Variants in STPG2 observed in about 807,000 individuals in gnomAD.
The protein encoded by STPG2 is sperm tail PG-rich repeat containing 2, also known as sperm-tail PG-rich repeat-containing protein 2.
STPG2 carries 56 observed loss-of-function variants against 54.2 expected under a neutral mutation model. That is an observed-to-expected ratio of 1.03 (90% CI 0.83 to 1.29). The LOEUF is 1.29. Among genes scored for constraint, STPG2 ranks in the 50% most tolerant of loss-of-function variants. The probability of loss-of-function intolerance (pLI) is 0.00; values close to 1 mark genes in which losing one functional copy is unlikely to be tolerated. For synonymous variants in STPG2, 200 were observed against 181.8 expected, an observed-to-expected ratio of 1.10 and a Z score of -0.81; for missense variants, 596 against 544.9, an observed-to-expected ratio of 1.09 and a Z score of -0.93.
chr4:97,996,038 T>A (rs574365532), intron 5 of STPG2, among the ~76,000 whole-genome samples: 62 of 152,332 alleles, frequency 4.1e-4, no homozygotes, highest in African/African-American at 1.5e-3. Flanking sequence ...TTCAGTACTA[T>A]TCCTATTAAA....
At chr4:97,642,398 C>A (rs1349826810) in intron 10 of STPG2, among the ~76,000 whole-genome samples, 2 of 151,044 alleles carry the variant, frequency 1.3e-5, no homozygotes, top group African/African-American at 2.4e-5. Context: ...TTAGGAAGTA[C>A]TATTGATAGC....
At chr4:98,059,713 C>T (rs1737586098) in intron 5 of STPG2, among the ~76,000 whole-genome samples, 1 of 151,174 alleles carries the variant, frequency 6.6e-6, no homozygotes, top group Non-Finnish European at 1.5e-5. Context: ...GGCTAATCTA[C>T]CATGATCAAA....
intron 7 of STPG2, among the ~76,000 whole-genome samples, chr4:97,963,532 G>A (rs1031617346): frequency 6.6e-6 from 1 of 152,090 alleles, no homozygotes; most frequent in East Asian, 1.9e-4. Flanking sequence ...GCCCATGCCT[G>A]TGGTCCCAGC....
intron 5 of STPG2, among the ~76,000 whole-genome samples, chr4:98,073,816 T>A (rs1738078220): frequency 6.6e-6 from 1 of 152,176 alleles, no homozygotes; most frequent in African/African-American, 2.4e-5. Flanking sequence ...ATTATTGCCT[T>A]GTTATAGGCA....
chr4:97,657,503 T>C (rs1560706197), intron 10 of STPG2, among the ~76,000 whole-genome samples: 1 of 152,196 alleles, frequency 6.6e-6, no homozygotes, highest in African/African-American at 2.4e-5. Flanking sequence ...TTAAAATATT[T>C]AGAAAGAAGG....
chr4:97,625,549 G>A (rs956420749), intron 10 of STPG2, among the ~76,000 whole-genome samples: 10 of 152,170 alleles, frequency 6.6e-5, no homozygotes, highest in African/African-American at 1.7e-4. Context: ...TCCTGACCTC[G>A]GGATCCGCCT....
At chr4:97,783,241 C>T (rs1300807803) in intron 9 of STPG2, among the ~76,000 whole-genome samples, 2 of 151,008 alleles carry the variant, frequency 1.3e-5, no homozygotes, top group Non-Finnish European at 3.0e-5. Flanking sequence ...CAAGAAAAAA[C>T]AACCGCATCA....
At chr4:97,517,381 G>T (rs1400198964) in intron 4 of STPG2, among the ~76,000 whole-genome samples, 2 of 152,090 alleles carry the variant, frequency 1.3e-5, no homozygotes, top group African/African-American at 2.4e-5. Flanking sequence ...TCTGGACATT[G>T]ACATTAATTC....
At chr4:97,614,494 A>G (rs2148917871) in intron 10 of STPG2, among the ~76,000 whole-genome samples, 1 of 152,200 alleles carries the variant, frequency 6.6e-6, no homozygotes, top group South Asian at 2.1e-4. Flanking sequence ...CTTTCTCGAA[A>G]CACTCTCATA....
At chr4:97,923,293 T>TCCCCCCC (rs1159207413) in intron 8 of STPG2, among the ~76,000 whole-genome samples, 7 of 141,076 alleles carry the variant, frequency 5.0e-5, no homozygotes, top group African/African-American at 1.3e-4. Context: ...GCGCAGCGCT[T>TCCCCCCC]CCCCTCCCAC....
At chr4:98,115,974 TTA>T (rs1491309960) in intron 3 of STPG2, among the ~76,000 whole-genome samples, 49 of 127,812 alleles carry the variant, frequency 3.8e-4, no homozygotes, top group African/African-American at 9.1e-4. Context: ...AACTACGTTT[TTA>T]TATGTTTTTA....
intron 5 of STPG2, among the ~76,000 whole-genome samples, chr4:98,007,302 T>G (rs754596955): frequency 6.6e-5 from 10 of 152,222 alleles, no homozygotes; most frequent in Non-Finnish European, 1.5e-4. Flanking sequence ...CTCACCCGCC[T>G]GGTACACCAC....
At chr4:97,799,360 T>C (rs926513014) in intron 9 of STPG2, among the ~76,000 whole-genome samples, 1 of 152,218 alleles carries the variant, frequency 6.6e-6, no homozygotes, top group African/African-American at 2.4e-5. Flanking sequence ...CTTCAGGAGC[T>C]CTTGTAGGAC....
At chr4:97,604,626 G>C (rs968434101) in intron 10 of STPG2, among the ~76,000 whole-genome samples, 1 of 151,650 alleles carries the variant, frequency 6.6e-6, no homozygotes, top group Non-Finnish European at 1.5e-5. Flanking sequence ...GTTCTCTCTA[G>C]TGTAAAAGCT....
At chr4:97,538,766 G>GA (rs1486248222) in intron 4 of STPG2, among the ~76,000 whole-genome samples, 4 of 152,108 alleles carry the variant, frequency 2.6e-5, no homozygotes, top group East Asian at 1.9e-4. Flanking sequence ...TCAAATGAAG[G>GA]AAAAAATGTT....
intron 4 of STPG2, among the ~76,000 whole-genome samples, chr4:97,514,998 A>C (rs1412846964): frequency 1.3e-5 from 2 of 152,150 alleles, no homozygotes; most frequent in Non-Finnish European, 2.9e-5. Context: ...AAATCAAGCT[A>C]AATTCAAAAT....
At chr4:98,011,357 T>C (rs753744759) in intron 5 of STPG2, among the ~76,000 whole-genome samples, 93 of 152,312 alleles carry the variant, frequency 6.1e-4, no homozygotes, top group Non-Finnish European at 2.6e-4. Flanking sequence ...ATCCAGTCTA[T>C]AATTGATTGG....
chr4:97,705,071 C>G (rs1723897916), intron 10 of STPG2, among the ~76,000 whole-genome samples: 1 of 152,066 alleles, frequency 6.6e-6, no homozygotes, highest in South Asian at 2.1e-4. Context: ...AAAATTAAAA[C>G]TGCATATTTT....
chr4:97,953,947 C>T (rs1251228381), intron 7 of STPG2, among the ~76,000 whole-genome samples: 2 of 152,182 alleles, frequency 1.3e-5, no homozygotes. Context: ...CATTGTAACA[C>T]TTGCCTCCAA....
Sources: allele counts gnomAD v4.1 joint callset (sites outside exome capture counted in the v4.1 genomes callset), GRCh38; gene constraint gnomAD v4.1.1; transcripts MANE v1.5; gene names NCBI Gene and HGNC (gene_info 2026-07-23, HGNC 2026-07-21).